The following DAPK2 variants were observed in gnomAD, a reference collection of about 807,000 sequenced individuals.
The protein encoded by DAPK2 is death-associated protein kinase 2.
Under a neutral mutation model 44.1 loss-of-function variants are expected in DAPK2, and 35 were observed. That is an observed-to-expected ratio of 0.79 (90% CI 0.61 to 1.05). DAPK2 has a LOEUF of 1.05. Ranked by LOEUF, DAPK2 falls within the 50% of genes least tolerant of loss-of-function variation. The probability of loss-of-function intolerance (pLI) is 0.00; values close to 1 mark genes in which losing one functional copy is unlikely to be tolerated. For synonymous variants in DAPK2, 174 were observed against 182.6 expected (o/e 0.95, Z 0.38); for missense variants, 453 against 483.2 (o/e 0.94, Z 0.59).
chr15:63,929,051 T>C (rs2079417196), intron 6 of DAPK2, among the ~76,000 whole-genome samples: 1 of 151,870 alleles, frequency 6.6e-6, no homozygotes, highest in African/African-American at 2.4e-5. Context: ...AAATACAAAA[T>C]TAGCCAGGTG....
chr15:63,932,322 G>A (rs775869045), intron 4 of DAPK2, among the ~76,000 whole-genome samples: 6 of 151,712 alleles, frequency 4.0e-5, no homozygotes, highest in Non-Finnish European at 7.4e-5. Flanking sequence ...AAAATTAGCC[G>A]GGCGTGGTAG....
At chr15:63,926,082 G>C (rs2079252565) in exon 7 of DAPK2, 2 of 1,610,056 alleles carry the variant, frequency 1.2e-6, no homozygotes, top group Non-Finnish European at 1.7e-6. Flanking sequence ...GAAAGGGGAT[G>C]CTCCACTTAA....
chr15:63,912,613 A>G lies in DAPK2; in HGVS notation c.859-416T>C, dbSNP rs1204829753. ...TAGACGGGGAATTCATACTCCATTAAAAAATAAATGGAAGGAAATAAGGGC... is the reference window on the plus strand; with the variant it reads ...TAGACGGGGAATTCATACTCCATTAGAAAATAAATGGAAGGAAATAAGGGC... On this transcript the variant is annotated intron_variant, in intron 8 of 10. Coordinates refer to ENST00000261891, the Ensembl canonical transcript of DAPK2. This position sits in a 1 kb window ranked among gnomAD's most constrained non-coding sequence, Gnocchi z 4.4. Among the ~76,000 whole-genome samples, 3 of 152,198 alleles carry G rather than the reference A, an allele frequency of 2.0e-5. No individual in the cohort carries two copies. The highest frequency in any genetic ancestry group is 4.4e-5 in the Non-Finnish European group (3 of 68,036).
At position 64,013,766 on chromosome 15, in the gene DAPK2, C is replaced by G. The variant is rs2079449480; in HGVS notation, c.92+26404G>C. Among the ~76,000 whole-genome samples the G allele has an allele frequency of 6.6e-6, 1 of 152,334 alleles. No individual in the cohort carries two copies. The highest frequency in any genetic ancestry group is 1.5e-5 in the Non-Finnish European group (1 of 68,034). The stretch of plus-strand genomic sequence containing the variant: ...TTGAGAAATTATTCATTCTGGAAAA[C>G]TACAGTTGGCCTCATATCACATCAA... On this transcript the variant is annotated intron_variant, in intron 1 of 10. Transcript: ENST00000261891. This position sits in a 1 kb window ranked among gnomAD's most constrained non-coding sequence, Gnocchi z 4.7.
intron 1 of DAPK2, among the ~76,000 whole-genome samples, chr15:64,001,474 C>T (rs574859951): frequency 6.6e-6 from 1 of 152,164 alleles, no homozygotes; most frequent in Non-Finnish European, 1.5e-5. Context: ...CCTAAGAAGA[C>T]AACAGCCTCT....
At chr15:63,959,287 G>C (rs541313554) in intron 3 of DAPK2, among the ~76,000 whole-genome samples, 2 of 152,204 alleles carry the variant, frequency 1.3e-5, no homozygotes, top group East Asian at 3.9e-4. Flanking sequence ...ATATACAATC[G>C]TATCATCTGC....
At position 64,007,475 on chromosome 15, in the gene DAPK2, A is replaced by G. The variant is rs756943061; in HGVS notation, c.93-23721T>C. Among the ~76,000 whole-genome samples the G allele has an allele frequency of 7.8e-4, 118 of 152,204 alleles. 1 individual carries two copies. The highest frequency in any genetic ancestry group is 1.4e-3 in the Non-Finnish European group (92 of 68,014). ...CTCCATCCTCCAAGAGCCAGTAGGA[A>G]ACCTCTCCTGCCTCCTGATCTCCCA... is the stretch of plus-strand genomic sequence containing the variant. On this transcript the variant is annotated intron_variant, in intron 1 of 10. Transcript: ENST00000261891.
At chr15:64,000,200 C>T (rs951791175) in intron 1 of DAPK2, among the ~76,000 whole-genome samples, 54 of 152,062 alleles carry the variant, frequency 3.6e-4, no homozygotes, top group Non-Finnish European at 6.6e-4. Flanking sequence ...CACACACACA[C>T]ACACACACAC....
intron 1 of DAPK2, among the ~76,000 whole-genome samples, chr15:64,036,088 C>T (rs1410513529): frequency 6.6e-6 from 1 of 151,316 alleles, no homozygotes; most frequent in African/African-American, 2.4e-5. Flanking sequence ...TGGTGAAACC[C>T]CATATCTACT....
At chr15:63,946,102 G>C (rs2077442794) in intron 3 of DAPK2, among the ~76,000 whole-genome samples, 1 of 152,244 alleles carries the variant, frequency 6.6e-6, no homozygotes, top group South Asian at 2.1e-4. Context: ...CCCAGCCCAG[G>C]GCCTGCCTGC....
chr15:63,998,071 A>C (rs548125088), intron 1 of DAPK2, among the ~76,000 whole-genome samples: 1 of 152,366 alleles, frequency 6.6e-6, no homozygotes, highest in East Asian at 1.9e-4. Context: ...CAGTCAGTTA[A>C]GAAAAAGGAA....
At chr15:63,975,391 C>T (rs529857330) in intron 2 of DAPK2, among the ~76,000 whole-genome samples, 2 of 152,160 alleles carry the variant, frequency 1.3e-5, no homozygotes, top group South Asian at 2.1e-4. Context: ...ATGTTACATG[C>T]CTTATGCACA....
chr15:64,025,663 GCAAGC>G (rs1197635031), intron 1 of DAPK2, among the ~76,000 whole-genome samples: 8 of 152,186 alleles, frequency 5.3e-5, no homozygotes, highest in Non-Finnish European at 1.5e-5. Context: ...TTGAGGTATT[GCAAGC>G]CAAGAAGCAA....
intron 4 of DAPK2, chr15:63,935,956 T>A (rs1473339647): frequency 6.6e-6 from 1 of 152,346 alleles, no homozygotes; most frequent in East Asian, 1.9e-4. Flanking sequence ...TAAAGTTCTA[T>A]CATCCTGTTC....
At chr15:64,036,748 T>G (rs2080222794) in intron 1 of DAPK2, among the ~76,000 whole-genome samples, 1 of 152,154 alleles carries the variant, frequency 6.6e-6, no homozygotes, top group African/African-American at 2.4e-5. Context: ...GAGTCTACAC[T>G]AGGGTGCTCA....
At chr15:63,993,844 G>A (rs1351909085) in intron 1 of DAPK2, among the ~76,000 whole-genome samples, 1 of 152,092 alleles carries the variant, frequency 6.6e-6, no homozygotes, top group East Asian at 1.9e-4. Flanking sequence ...AGGTCAGTGT[G>A]TGACATACTG....
intron 1 of DAPK2, among the ~76,000 whole-genome samples, chr15:64,002,954 GTGTGTGTGTGTC>G (rs1198504275): frequency 4.4e-4 from 57 of 128,576 alleles, no homozygotes; most frequent in African/African-American, 1.4e-3. Flanking sequence ...GTGTGTGTGT[GTGTGTGTGTGTC>G]GTGGGACCTG....
intron 3 of DAPK2, among the ~76,000 whole-genome samples, chr15:63,952,361 T>C (rs1246460421): frequency 6.6e-6 from 1 of 152,296 alleles, no homozygotes; most frequent in East Asian, 1.9e-4. Flanking sequence ...GGCAATTCTG[T>C]TGGGCCTTGA....
intron 1 of DAPK2, among the ~76,000 whole-genome samples, chr15:64,010,892 CA>C (rs2079372993): frequency 6.6e-6 from 1 of 152,142 alleles, no homozygotes; most frequent in Non-Finnish European, 1.5e-5. Context: ...GACCGCATCA[CA>C]AGAGGGTTCA....
Sources: gnomAD v4.1 joint callset for allele counts (sites outside exome capture counted in the v4.1 genomes callset) on GRCh38, gnomAD v4.1.1 for gene constraint, Gnocchi (gnomAD v3.1) non-coding constraint, MANE v1.5 for transcripts, NCBI Gene and HGNC (gene_info 2026-07-23, HGNC 2026-07-21) for gene names.